KCNH5: variants seen among roughly 807,000 people sequenced by gnomAD.
KCNH5 encodes the protein potassium voltage-gated channel subfamily H member 5, also known as voltage-gated delayed rectifier potassium channel KCNH5.
Under a neutral mutation model 96.1 loss-of-function variants are expected in KCNH5, and 46 were observed. The observed-to-expected ratio is 0.48, with a 90% CI of 0.38 to 0.61. The LOEUF is 0.61. Among genes scored for constraint, KCNH5 ranks in the 20% least tolerant of loss-of-function variants. The pLI is 0.00. For missense variants in KCNH5, 907 were observed against 1,225.8 expected, an observed-to-expected ratio of 0.74 and a Z score of 3.88; for synonymous variants, 439 against 449.8, an observed-to-expected ratio of 0.98 and a Z score of 0.30.
chr14:62,847,078 G>A (rs1018574857), intron 8 of KCNH5, among the ~76,000 whole-genome samples: 4 of 148,436 alleles, frequency 2.7e-5, no homozygotes, highest in East Asian at 3.9e-4. Flanking sequence ...GGGATTACAG[G>A]CGTGAGCCAC....
chr14:62,861,785 TAAG>T (rs934031094), intron 7 of KCNH5, among the ~76,000 whole-genome samples: 17 of 152,182 alleles, frequency 1.1e-4, no homozygotes, highest in African/African-American at 3.6e-4. Flanking sequence ...AAGCACAAAA[TAAG>T]AAAACTACAA....
intron 6 of KCNH5, among the ~76,000 whole-genome samples, chr14:62,971,870 T>C (rs1890414561): frequency 6.6e-6 from 1 of 151,768 alleles, no homozygotes; most frequent in African/African-American, 2.4e-5. Context: ...GAATGAATCA[T>C]ATAAAATAAA....
intron 1 of KCNH5, among the ~76,000 whole-genome samples, chr14:63,038,281 C>G (rs1176726913): frequency 6.6e-6 from 1 of 152,160 alleles, no homozygotes. Context: ...GCTATGTGCT[C>G]TGCACAGTGG....
intron 10 of KCNH5, among the ~76,000 whole-genome samples, chr14:62,751,841 G>A (rs77468445): frequency 0.041 from 6,242 of 152,260 alleles, 259 homozygotes; most frequent in African/African-American, 0.11. Context: ...GGGACCCATA[G>A]CTGCTTTTTA....
At chr14:62,770,717 T>C (rs1885966924) in intron 10 of KCNH5, among the ~76,000 whole-genome samples, 1 of 152,230 alleles carries the variant, frequency 6.6e-6, no homozygotes, top group African/African-American at 2.4e-5. Flanking sequence ...CCAGAAGTTA[T>C]AAAAATCAGC....
chr14:62,897,631 A>G (rs1888841102), intron 7 of KCNH5, among the ~76,000 whole-genome samples: 1 of 152,176 alleles, frequency 6.6e-6, no homozygotes, highest in Non-Finnish European at 1.5e-5. Context: ...AATAAAATGT[A>G]TTACTGCCTC....
intron 9 of KCNH5, among the ~76,000 whole-genome samples, chr14:62,791,556 A>G (rs1035401200): frequency 5.9e-5 from 9 of 151,668 alleles, no homozygotes; most frequent in Non-Finnish European, 1.0e-4. Flanking sequence ...AAGGACACAC[A>G]TGGGCTGAAA....
At chr14:62,837,471 T>A (rs1887487473) in intron 8 of KCNH5, among the ~76,000 whole-genome samples, 1 of 152,248 alleles carries the variant, frequency 6.6e-6, no homozygotes, top group Admixed American at 6.5e-5. Flanking sequence ...GCTTTCAGCA[T>A]AAAAGAATTT....
At chr14:63,024,821 T>TTA (rs1433207378) in intron 1 of KCNH5, among the ~76,000 whole-genome samples, 3 of 152,072 alleles carry the variant, frequency 2.0e-5, no homozygotes, top group Non-Finnish European at 2.9e-5. Context: ...CTTTCACTGC[T>TTA]TACTAATTCA....
chr14:62,724,901 C>T (rs1884890883), intron 10 of KCNH5, among the ~76,000 whole-genome samples: 1 of 152,240 alleles, frequency 6.6e-6, no homozygotes, highest in Non-Finnish European at 1.5e-5. Context: ...TGACTGACAT[C>T]TGCCAGTGCA....
Position 62,977,299 on chromosome 14 carries a change from A to G in KCNH5, c.942+3573T>C, listed in dbSNP as rs1228926564. Among the ~76,000 whole-genome samples the G allele has an allele frequency of 2.0e-5, 3 of 152,118 alleles. No individual in the cohort carries two copies. In the South Asian group the frequency reaches 6.2e-4, roughly 32 times the overall value. ...GGAGAATCGCTTGAACCTGGGAGGCAGAGGTTGCAGTGATCACACCACTGC... is the reference window on the plus strand; with the variant it reads ...GGAGAATCGCTTGAACCTGGGAGGCGGAGGTTGCAGTGATCACACCACTGC... On this transcript the variant is annotated intron_variant, in intron 6 of 10. Coordinates refer to ENST00000322893, the MANE Select transcript of KCNH5 (RefSeq NM_139318.5).
At chr14:62,900,088 T>C (rs915078625) in intron 7 of KCNH5, among the ~76,000 whole-genome samples, 1 of 152,172 alleles carries the variant, frequency 6.6e-6, no homozygotes, top group Admixed American at 6.5e-5. Flanking sequence ...TGCAAACTTG[T>C]AGGACCATCT....
chr14:62,993,002 A>AG (rs1344403035), intron 4 of KCNH5, among the ~76,000 whole-genome samples: 1 of 135,660 alleles, frequency 7.4e-6, no homozygotes, highest in Non-Finnish European at 1.6e-5. Context: ...GACAAGAGAT[A>AG]GGGGGGTCCT....
At chr14:62,849,355 G>A (rs112836654) in intron 8 of KCNH5, among the ~76,000 whole-genome samples, 17 of 152,152 alleles carry the variant, frequency 1.1e-4, no homozygotes, top group African/African-American at 3.6e-4. Context: ...TTAGAGGAAT[G>A]CAACAAATTA....
chr14:62,797,829 C>T (rs554069505), intron 9 of KCNH5, among the ~76,000 whole-genome samples: 1 of 151,790 alleles, frequency 6.6e-6, no homozygotes, highest in Non-Finnish European at 1.5e-5. Context: ...AATTCTCATG[C>T]CTCAGCCTCC....
intron 3 of KCNH5, among the ~76,000 whole-genome samples, chr14:63,004,425 T>C (rs1248878704): frequency 1.3e-5 from 2 of 152,212 alleles, no homozygotes; most frequent in East Asian, 1.9e-4. Flanking sequence ...CAGGCACTTA[T>C]CTGCATAGAG....
rs551664464 is a variant in KCNH5 at position 62,950,656 on chromosome 14, C to T, written c.943-97G>A. The T allele has an allele frequency of 5.9e-5, 58 of 987,744 alleles. 1 individual carries two copies. The highest frequency in any genetic ancestry group is 1.7e-4 in the South Asian group (9 of 53,540). The allele number at this position is 987,744 out of a possible 1,614,324, so 61.2% of individuals were successfully genotyped here. A position where few individuals can be genotyped will look rare whatever the true frequency, so the allele number is the denominator to read the frequency against. ...GGCTCACCTTCATAAATTTAACCATCCAATTATATATTAAGAACATATGTA... is the reference window on the plus strand; with the variant it reads ...GGCTCACCTTCATAAATTTAACCATTCAATTATATATTAAGAACATATGTA... On this transcript the variant is annotated intron_variant, in intron 6 of 10. Coordinates refer to ENST00000322893, the MANE Select transcript of KCNH5 (RefSeq NM_139318.5).
intron 10 of KCNH5, among the ~76,000 whole-genome samples, chr14:62,721,300 G>A (rs565736838): frequency 6.6e-6 from 1 of 152,076 alleles, no homozygotes. Context: ...ATAGAAAAAA[G>A]ATTTTTAAAG....
chr14:62,931,743 CT>C (rs1257200355), intron 7 of KCNH5, among the ~76,000 whole-genome samples: 1 of 152,188 alleles, frequency 6.6e-6, no homozygotes, highest in African/African-American at 2.4e-5. Context: ...TATTGAAAGT[CT>C]GTTTAAGAAA....
Sources: gnomAD v4.1 joint callset for allele counts (sites outside exome capture counted in the v4.1 genomes callset) on GRCh38, gnomAD v4.1.1 for gene constraint, MANE v1.5 for transcripts, NCBI Gene and HGNC (gene_info 2026-07-23, HGNC 2026-07-21) for gene names.